UPB1: variants seen among roughly 807,000 people sequenced by gnomAD.
UPB1 encodes beta-ureidopropionase 1.
UPB1 carries 40 observed loss-of-function variants against 49.1 expected under a neutral mutation model. The observed-to-expected ratio is 0.81, with a 90% confidence interval of 0.63 to 1.06. UPB1 has a LOEUF of 1.06. UPB1 is among the 50% of genes least tolerant of loss of function. UPB1 has a pLI of 0.00. For synonymous variants in UPB1, 207 were observed against 198.2 expected, an observed-to-expected ratio of 1.04 and a Z score of -0.38; for missense variants, 499 against 505.9, an observed-to-expected ratio of 0.99 and a Z score of 0.13.
chr22:24,513,582 G>A, intron 5 of UPB1, 97 bp downstream of exon 5: 7 of 1,503,542 alleles, frequency 4.7e-6, no homozygotes, highest in Non-Finnish European at 6.3e-6. Flanking sequence ...TTCTGTGCAG[G>A]ATCATACTCC....
In UPB1 at chr22:24,523,678, C is replaced by A. The variant is rs113975342; in HGVS notation, c.976C>A (p.Arg326=). 7.4e-4 allele frequency: 1,197 copies of A among 1,614,272 alleles called. 12 individuals are homozygous for A. The African/African-American group carries it at 0.014, about 19-fold the overall frequency. The change falls in exon 9 of 10, where the codon CGG becomes AGG. Residue 326 remains arginine (R), a synonymous_variant. Coordinates refer to ENST00000326010, the MANE Select transcript of UPB1 (RefSeq NM_016327.3). ...CTATGTGGCAGCCCCTGACAGCAGC[C>A]GGACTCCTGGGCTGTCCCGTAGCCG... ...SSYVAAPDSS[R]TPGLSRSRDG... is the part of the protein sequence containing the mutation.
intron 1 of UPB1, among the ~76,000 whole-genome samples, chr22:24,496,063 C>T (rs1454244265): frequency 2.0e-5 from 3 of 152,194 alleles, no homozygotes; most frequent in Non-Finnish European, 2.9e-5. Flanking sequence ...CTGCTGGACA[C>T]TGTGTCCACA....
In UPB1 at chr22:24,509,361, GAAAAAAAAAAAAAAAAAAAAAAA is replaced by G. The variant is rs202081655; in HGVS notation, c.365-1375_365-1353del. Among the ~76,000 whole-genome samples, 39 of 92,176 alleles carry G rather than the reference GAAAAAAAAAAAAAAAAAAAAAAA, an allele frequency of 4.2e-4. No individual in the cohort carries two copies. In the South Asian group the frequency reaches 0.012, roughly 29 times the overall value. 60.5% of individuals were successfully genotyped at this position (92,176 alleles called of 152,430 possible). A position where few individuals can be genotyped will look rare whatever the true frequency, so the allele number is the denominator to read the frequency against. ...ATCTGTGTGTATGTACCTACTGTTT[GAAAAAAAAAAAAAAAAAAAAAAA>G]AAAAAAAAAAAAGCAAAAACCAATG... On this transcript the variant is annotated intron_variant, in intron 3 of 9. Transcript: ENST00000326010.
At position 24,513,378 on chromosome 22, in the gene UPB1, G is replaced by A. The variant is rs145749836; in HGVS notation, c.514G>A (p.Glu172Lys). Residue 172 changes from glutamate (E) to lysine (K), a missense_variant, in exon 5 of 10, where the codon GAG becomes AAG. By Grantham distance (56) the Glu-to-Lys change is moderately conservative. Transcript: ENST00000326010. ...VVSPILERDSEHGDVLWNTAV... is the reference protein window; with the variant it reads ...VVSPILERDSKHGDVLWNTAV... The stretch of plus-strand genomic sequence containing the variant: ...GTCTCCCATCCTGGAACGAGACAGC[G>A]AGCATGGGGATGTTTTGTGGAATAC... 1,674 of 1,614,164 alleles carry A rather than the reference G, an allele frequency of 1.0e-3. 1 individual carries two copies. Among genetic ancestry groups the A allele is most frequent in the South Asian group, 2.0e-3 (181 of 91,070 alleles).
chr22:24,502,446 A>G (rs778041719), intron 3 of UPB1: 26 of 781,506 alleles, frequency 3.3e-5, no homozygotes, highest in East Asian at 9.7e-5. Context: ...GCTCCTCTCC[A>G]TCTCTCTACC....
chr22:24,522,792 A>C (rs1464682987), intron 8 of UPB1, among the ~76,000 whole-genome samples: 1 of 151,490 alleles, frequency 6.6e-6, no homozygotes, highest in Non-Finnish European at 1.5e-5. Context: ...AAAATACAAA[A>C]AATTAGCCGG....
chr22:24,500,103 C>T lies in UPB1; in HGVS notation c.105-4C>T. ...CCCTTCCCTCTTTTTTCCTGCCCAT[C>T]TAGGAAGCTTGATCTGCCCAGGGAA... On this transcript the variant is annotated splice_polypyrimidine_tract_variant and splice_region_variant and intron_variant, in intron 1 of 9. Coordinates refer to ENST00000326010, the MANE Select transcript of UPB1 (RefSeq NM_016327.3). The T allele has an allele frequency of 6.2e-7, 1 of 1,614,092 alleles. No homozygotes were observed. Among genetic ancestry groups the T allele is most frequent in the Non-Finnish European group, 8.5e-7 (1 of 1,180,012 alleles).
At chr22:24,509,335 A>T (rs1401124438) in intron 3 of UPB1, among the ~76,000 whole-genome samples, 1 of 131,092 alleles carries the variant, frequency 7.6e-6, no homozygotes, top group Admixed American at 8.9e-5. Context: ...TTGAACTGTT[A>T]ATCTGTGTGT....
chr22:24,517,584 C>CT (rs1248262005), intron 6 of UPB1, among the ~76,000 whole-genome samples: 7 of 152,210 alleles, frequency 4.6e-5, no homozygotes, highest in Non-Finnish European at 8.8e-5. Flanking sequence ...CCTGACCCTC[C>CT]TATCTCAGGC....
intron 7 of UPB1, among the ~76,000 whole-genome samples, chr22:24,521,235 A>G (rs2044386172): frequency 1.3e-5 from 2 of 149,494 alleles, no homozygotes; most frequent in African/African-American, 2.5e-5. Context: ...TAATCCCAGC[A>G]CTTTGGGAGA....
In UPB1 at chr22:24,527,461, C is replaced by T. The variant is rs1420069927; in HGVS notation, c.*1667C>T. The T allele has an allele frequency of 6.6e-6, 1 of 151,006 alleles. No individual in the cohort carries two copies. Among genetic ancestry groups the T allele is most frequent in the Non-Finnish European group, 1.5e-5 (1 of 68,034 alleles). 9.4% of individuals were successfully genotyped at this position (151,006 alleles called of 1,614,324 possible). The stretch of plus-strand genomic sequence containing the variant: ...CCCCTTGGCAGTTATCAGTGCAGCG[C>T]CTATTTAGCCCTGTCCCTGAACAAC... On this transcript the variant is annotated 3_prime_UTR_variant, in exon 10 of 10. Coordinates refer to ENST00000326010, the MANE Select transcript of UPB1 (RefSeq NM_016327.3).
At chr22:24,517,079 C>T (rs2044310109) in intron 6 of UPB1, among the ~76,000 whole-genome samples, 1 of 152,142 alleles carries the variant, frequency 6.6e-6, no homozygotes, top group African/African-American at 2.4e-5. Context: ...CTTTTCTTTT[C>T]ATACAGTGCC....
chr22:24,506,500 C>T (rs1272809257), intron 3 of UPB1, among the ~76,000 whole-genome samples: 3 of 152,182 alleles, frequency 2.0e-5, no homozygotes, highest in Non-Finnish European at 2.9e-5. Flanking sequence ...TGCATCTTTC[C>T]GCCTTCCAGC....
At chr22:24,510,639 GCA>G (rs2044181415) in intron 3 of UPB1, 108 bp from the exon 4 acceptor site, 4 of 1,175,090 alleles carry the variant, frequency 3.4e-6, no homozygotes, top group Non-Finnish European at 5.1e-6. Flanking sequence ...CCAGGCCATG[GCA>G]CTCCTGAGAC....
chr22:24,525,373 G>T (rs776686192), intron 9 of UPB1, among the ~76,000 whole-genome samples: 1 of 152,170 alleles, frequency 6.6e-6, no homozygotes, highest in Non-Finnish European at 1.5e-5. Flanking sequence ...ACTGGCTAGT[G>T]ACCTGGAGCA....
intron 3 of UPB1, among the ~76,000 whole-genome samples, chr22:24,504,161 G>A (rs2044043516): frequency 6.6e-6 from 1 of 152,210 alleles, no homozygotes; most frequent in African/African-American, 2.4e-5. Context: ...TTCATTTCCT[G>A]TTAGTGCTGG....
rs774237964 is a variant in UPB1, at chr22:24,520,501, C to T, written c.873+33C>T. The T allele has an allele frequency of 4.3e-6, 7 of 1,610,022 alleles. No individual in the cohort carries two copies. In the South Asian group the frequency reaches 6.6e-5, roughly 15 times the overall value. On this transcript the variant is annotated intron_variant, in intron 7 of 9. Transcript: ENST00000326010. ...CCGAGGTCTGGCTGGGGAGAGGAGC[C>T]ACCACCTGGTGGCTCTGGTGGGGAC...
Position 24,525,733 on chromosome 22 carries a change from A to T in UPB1, c.1094A>T (p.Tyr365Phe), listed in dbSNP as rs752783902. ...NFKMTGRYEM[Y>F]ARELAEAVKS... ...CAGATGACGGGCAGGTATGAGATGT[A>T]CGCACGGGAGCTCGCCGAAGCTGTC... The change falls in exon 10 of 10, where the codon TAC becomes TTC. Residue 365 changes from tyrosine (Y) to phenylalanine (F), a missense_variant. Physicochemically the swap from Tyr to Phe is conservative, Grantham distance 22 (BLOSUM62 3). Transcript: ENST00000326010. The T allele has an allele frequency of 6.2e-7, 1 of 1,614,200 alleles. No homozygotes were observed. Among genetic ancestry groups the T allele is most frequent in the Non-Finnish European group, 8.5e-7 (1 of 1,180,024 alleles).
chr22:24,513,526 G>GC, intron 5 of UPB1, 41 bp downstream of exon 5: 1 of 1,600,072 alleles, frequency 6.2e-7, no homozygotes, highest in South Asian at 1.1e-5. Flanking sequence ...CTGCTCACTT[G>GC]CCCCTCTGTA....
Sources: gnomAD v4.1 joint callset for allele counts (sites outside exome capture counted in the v4.1 genomes callset) on GRCh38, gnomAD v4.1.1 for gene constraint, MANE v1.5 for transcripts, NCBI Gene and HGNC (gene_info 2026-07-23, HGNC 2026-07-21) for gene names.